CYP24A1: variants seen among roughly 807,000 people sequenced by gnomAD.
CYP24A1 encodes cytochrome P450 family 24 subfamily A member 1, also known as 1,25-dihydroxyvitamin D(3) 24-hydroxylase, mitochondrial.
A neutral mutation model predicts 62.4 loss-of-function variants in CYP24A1; 68 were observed. The observed-to-expected ratio is 1.09, with a 90% CI of 0.90 to 1.33. The LOEUF (loss-of-function observed/expected upper bound fraction) is 1.33. CYP24A1 is among the 40% of genes most tolerant of loss of function. The probability of loss-of-function intolerance (pLI) is 0.00; values close to 1 mark genes in which losing one functional copy is unlikely to be tolerated. For synonymous variants in CYP24A1, 267 were observed against 253.0 expected (o/e 1.06, Z -0.52); for missense variants, 787 against 653.0 (o/e 1.21, Z -2.24).
At chr20:54,147,653 T>G in the CYP24A1 span, among the ~76,000 whole-genome samples, 10 of 152,246 alleles carry the variant, frequency 6.6e-5, no homozygotes, top group Non-Finnish European at 1.3e-4. Flanking sequence ...CCAGACAGCT[T>G]CTAAGAGTTT....
the CYP24A1 span, among the ~76,000 whole-genome samples, chr20:54,148,226 T>A: frequency 1.3e-5 from 2 of 152,098 alleles, no homozygotes; most frequent in Non-Finnish European, 2.9e-5. Flanking sequence ...TTCTTTTAAA[T>A]TATTTTGACA....
chr20:54,148,193 T>G, the CYP24A1 span, among the ~76,000 whole-genome samples: 2 of 152,094 alleles, frequency 1.3e-5, no homozygotes, highest in African/African-American at 2.4e-5. Context: ...TTTTCTTTTT[T>G]TTTTTGAGAT....
chr20:54,148,065 A>T, the CYP24A1 span, among the ~76,000 whole-genome samples: 1 of 152,050 alleles, frequency 6.6e-6, no homozygotes, highest in Non-Finnish European at 1.5e-5. Context: ...CGAACTCTCG[A>T]CCTCAGGTGA....
In CYP24A1 at chr20:54,154,269, A is replaced by T. The variant is rs2092619044; in HGVS notation, c.*503T>A. 6.6e-6 allele frequency: 1 copy of T among 152,250 alleles called. No homozygotes were observed. The highest frequency in any genetic ancestry group is 6.5e-5 in the Admixed American group (1 of 15,282). The allele number at this position is 152,250 out of a possible 1,614,324, so 9.4% of individuals were successfully genotyped here. A position where few individuals can be genotyped will look rare whatever the true frequency, so the allele number is the denominator to read the frequency against. ...TTCGTTAAAGTCCTTTTAAAAATAGAGGTGTTCTCTAGTTTCCCAATAATG... is the reference window on the plus strand; with the variant it reads ...TTCGTTAAAGTCCTTTTAAAAATAGTGGTGTTCTCTAGTTTCCCAATAATG... On this transcript the variant is annotated 3_prime_UTR_variant, in exon 12 of 12. Transcript: ENST00000216862.
chr20:54,163,779 C>T (rs2092661131), intron 6 of CYP24A1, among the ~76,000 whole-genome samples: 1 of 151,968 alleles, frequency 6.6e-6, no homozygotes, highest in East Asian at 1.9e-4. Context: ...GACCCAGAAA[C>T]AGTTACATTG....
At chr20:54,151,074 A>T (rs908454761), downstream of CYP24A1, among the ~76,000 whole-genome samples, 1 of 149,628 alleles carries the variant, frequency 6.7e-6, no homozygotes, top group South Asian at 2.1e-4. Context: ...AGGAATAAAG[A>T]ATAGCTACTC....
chr20:54,164,828 T>C (rs1342093280), intron 5 of CYP24A1, among the ~76,000 whole-genome samples: 2 of 122,852 alleles, frequency 1.6e-5, no homozygotes, highest in Non-Finnish European at 3.5e-5. Context: ...GACCTAATTG[T>C]AAAAAAAAAA....
In CYP24A1 at chr20:54,173,852, T is replaced by C. The variant is rs2092704315; in HGVS notation, c.-273A>G. The C allele has an allele frequency of 5.6e-6, 3 of 538,986 alleles. No homozygotes were observed. The highest frequency in any genetic ancestry group is 9.9e-6 in the Non-Finnish European group (3 of 301,748). 33.4% of individuals were successfully genotyped at this position (538,986 alleles called of 1,614,324 possible). On this transcript the variant is annotated 5_prime_UTR_variant, in exon 1 of 12. Coordinates refer to ENST00000216862, the MANE Select transcript of CYP24A1 (RefSeq NM_000782.5). This position sits in a 1 kb window ranked among gnomAD's most constrained non-coding sequence, Gnocchi z 7.2. ...AGGGTGGCCGGTGTCTGGGGACCTC[T>C]TGAAAAGGGAAAGCTGGGAGTCCTC...
chr20:54,158,839 T>C, intron 8 of CYP24A1, 118 bp downstream of exon 8: 1 of 1,536,292 alleles, frequency 6.5e-7, no homozygotes, highest in Non-Finnish European at 8.8e-7. Context: ...TTTTTTGCAG[T>C]GTGATAATTG....
At position 54,164,551 on chromosome 20, in the gene CYP24A1, A is replaced by G. The variant is rs1366215567; in HGVS notation, c.745T>C (p.Phe249Leu). 2 of 1,614,116 alleles carry G rather than the reference A, an allele frequency of 1.2e-6. No individual in the cohort carries two copies. Among genetic ancestry groups the G allele is most frequent in the Non-Finnish European group, 1.7e-6 (2 of 1,180,006 alleles). ...IMAIKTMMSTFGRMMVTPVEL... is the reference protein window; with the variant it reads ...IMAIKTMMSTLGRMMVTPVEL... ...ACTGGAGTGACCATCATCCTCCCAA[A>G]CGTGCTCATCATCTGAGAGAAATGC... is the stretch of plus-strand genomic sequence containing the variant. Residue 249 changes from phenylalanine (F) to leucine (L), a missense_variant, in exon 6 of 12, where the codon TTT (phenylalanine) becomes CTT (leucine). Transcript: ENST00000216862.
intron 4 of CYP24A1, among the ~76,000 whole-genome samples, chr20:54,168,022 C>G (rs1291065562): frequency 2.0e-5 from 3 of 152,208 alleles, no homozygotes; most frequent in African/African-American, 7.2e-5. Context: ...CTCTGCCAGC[C>G]TCTGTTACAG....
chr20:54,148,966 G>A (rs2092608604), downstream of CYP24A1, among the ~76,000 whole-genome samples: 1 of 152,090 alleles, frequency 6.6e-6, no homozygotes, highest in African/African-American at 2.4e-5. Flanking sequence ...AAGTTTATAT[G>A]CATTTCTGTG....
intron 4 of CYP24A1, among the ~76,000 whole-genome samples, chr20:54,168,761 TCCC>T (rs2092681849): frequency 8.1e-6 from 1 of 123,176 alleles, no homozygotes; most frequent in Non-Finnish European, 1.7e-5. Flanking sequence ...CTTCCTTCTC[TCCC>T]TCCTTCCTTC....
intron 5 of CYP24A1, 52 bp downstream of exon 5, chr20:54,165,690 C>A: frequency 1.1e-6 from 1 of 922,808 alleles, no homozygotes. Flanking sequence ...CTGTAAAAAT[C>A]GATCTGTAAA....
At chr20:54,168,855 C>CTTCCTTCCTTCT (rs1409574745) in intron 4 of CYP24A1, among the ~76,000 whole-genome samples, 4 of 38,080 alleles carry the variant, frequency 1.1e-4, no homozygotes, top group Admixed American at 2.6e-4. Flanking sequence ...TTCTTCCTTC[C>CTTCCTTCCTTCT]TTCCTTCCTT....
chr20:54,165,980 A>G, intron 4 of CYP24A1, 147 bp from the exon 5 acceptor site: 1 of 685,312 alleles, frequency 1.5e-6, no homozygotes, highest in Non-Finnish European at 2.6e-6. Context: ...ATATTGAGGA[A>G]AAGCAGAGTC....
rs959187757 is a variant in CYP24A1 at position 54,169,468 on chromosome 20, G to A, written c.640+124C>T. 2.6e-6 allele frequency: 4 copies of A among 1,552,164 alleles called. No individual in the cohort carries two copies. In the Admixed American group the frequency reaches 5.7e-5, roughly 22 times the overall value. On this transcript the variant is annotated intron_variant, in intron 4 of 11. Coordinates refer to ENST00000216862, the MANE Select transcript of CYP24A1 (RefSeq NM_000782.5). ...TAAGCACCTAAAAGAAGCATTAAAA[G>A]GGCTGCTCTGGCCTTTCCCTAGGCA... is the stretch of plus-strand genomic sequence containing the variant.
intron 11 of CYP24A1, among the ~76,000 whole-genome samples, chr20:54,156,022 G>A (rs1159270105): frequency 1.3e-5 from 2 of 152,110 alleles, no homozygotes; most frequent in Non-Finnish European, 2.9e-5. Flanking sequence ...GTCAGAAAAA[G>A]TATTGAATGG....
intron 4 of CYP24A1, among the ~76,000 whole-genome samples, chr20:54,167,264 C>T (rs1198916935): frequency 6.6e-6 from 1 of 152,218 alleles, no homozygotes; most frequent in African/African-American, 2.4e-5. Flanking sequence ...CAAGGTTTCC[C>T]CGTATTTGTG....
Sources: gnomAD v4.1 joint callset for allele counts (sites outside exome capture counted in the v4.1 genomes callset) on GRCh38, gnomAD v4.1.1 for gene constraint, Gnocchi (gnomAD v3.1) non-coding constraint, MANE v1.5 for transcripts, NCBI Gene and HGNC (gene_info 2026-07-23, HGNC 2026-07-21) for gene names.